The following REDIC1 variants were observed in gnomAD, a reference collection of about 807,000 sequenced individuals.
REDIC1 encodes the protein HEI10 Interacting Protein 1.
the REDIC1 span, among the ~76,000 whole-genome samples, chr12:39,872,857 C>A: frequency 2.0e-5 from 3 of 152,082 alleles, no homozygotes; most frequent in Non-Finnish European, 4.4e-5. Flanking sequence ...ATGGCTTTGC[C>A]CAGCTTTTCA....
chr12:39,906,783 T>C, the REDIC1 span, among the ~76,000 whole-genome samples: 3 of 152,248 alleles, frequency 2.0e-5, no homozygotes, highest in Non-Finnish European at 4.4e-5. Context: ...CTACGATTAT[T>C]TTAAATTGAA....
chr12:39,850,116 C>A, the REDIC1 span, among the ~76,000 whole-genome samples: 1 of 152,096 alleles, frequency 6.6e-6, no homozygotes, highest in South Asian at 2.1e-4. Flanking sequence ...TGACTCCAAC[C>A]AACTCCTTTC....
At chr12:39,878,258 A>G in the REDIC1 span, among the ~76,000 whole-genome samples, 1 of 152,230 alleles carries the variant, frequency 6.6e-6, no homozygotes, top group African/African-American at 2.4e-5. Context: ...AAAATACCTG[A>G]AAATGTGGAA....
At chr12:39,643,941 G>C in the REDIC1 span, 1 of 1,485,336 alleles carries the variant, frequency 6.7e-7, no homozygotes, top group South Asian at 1.2e-5. Context: ...ATTGCATTCT[G>C]TTTTGAACTT....
the REDIC1 span, among the ~76,000 whole-genome samples, chr12:39,712,185 T>C: frequency 7.2e-6 from 1 of 139,258 alleles, no homozygotes; most frequent in African/African-American, 2.8e-5. Context: ...TACCTGTATG[T>C]ATATGTACAT....
At chr12:39,794,123 C>CA in the REDIC1 span, among the ~76,000 whole-genome samples, 205 of 78,346 alleles carry the variant, frequency 2.6e-3, 7 homozygotes, top group African/African-American at 9.8e-3. Context: ...GGCCAAATTG[C>CA]AAAAAAAAAA....
the REDIC1 span, among the ~76,000 whole-genome samples, chr12:39,814,698 G>A: frequency 6.6e-6 from 1 of 152,110 alleles, no homozygotes; most frequent in East Asian, 1.9e-4. Context: ...TGCTATCCCT[G>A]CATATACAAA....
chr12:39,896,351 T>C, the REDIC1 span, among the ~76,000 whole-genome samples: 12 of 127,272 alleles, frequency 9.4e-5, no homozygotes, highest in Non-Finnish European at 1.3e-4. Context: ...CATATATGTA[T>C]GTATATGTGT....
the REDIC1 span, among the ~76,000 whole-genome samples, chr12:39,849,052 A>C: frequency 6.6e-6 from 1 of 152,224 alleles, no homozygotes; most frequent in Non-Finnish European, 1.5e-5. Flanking sequence ...GGAGAGGAAC[A>C]AAAAAGATAA....
the REDIC1 span, among the ~76,000 whole-genome samples, chr12:39,812,646 T>C: frequency 6.6e-6 from 1 of 151,664 alleles, no homozygotes; most frequent in Non-Finnish European, 1.5e-5. Flanking sequence ...CTGATTTGTA[T>C]ATTTTTAGTA....
chr12:39,712,349 TATACATAC>T, the REDIC1 span, among the ~76,000 whole-genome samples: 1,700 of 122,992 alleles, frequency 0.014, 69 homozygotes, highest in African/African-American at 0.049. Context: ...TGTATTTATA[TATACATAC>T]ATACATACAT....
the REDIC1 span, among the ~76,000 whole-genome samples, chr12:39,783,062 A>G: frequency 6.6e-6 from 1 of 151,792 alleles, no homozygotes; most frequent in Non-Finnish European, 1.5e-5. Flanking sequence ...GATGTTCCCC[A>G]TCCTGTGTCC....
the REDIC1 span, among the ~76,000 whole-genome samples, chr12:39,725,494 G>A: frequency 6.6e-6 from 1 of 151,966 alleles, no homozygotes; most frequent in African/African-American, 2.4e-5. Flanking sequence ...AGACTTCATA[G>A]CACTTGAAAT....
At chr12:39,798,355 T>G in the REDIC1 span, among the ~76,000 whole-genome samples, 1 of 152,200 alleles carries the variant, frequency 6.6e-6, no homozygotes, top group Non-Finnish European at 1.5e-5. Flanking sequence ...TGTTTGAAGT[T>G]GTTAAGTTTT....
chr12:39,783,727 G>T, the REDIC1 span, among the ~76,000 whole-genome samples: 1 of 152,152 alleles, frequency 6.6e-6, no homozygotes, highest in African/African-American at 2.4e-5. Context: ...TTGTTTTCTT[G>T]TAAATTTGTT....
chr12:39,900,469 T>C, the REDIC1 span, among the ~76,000 whole-genome samples: 1 of 152,024 alleles, frequency 6.6e-6, no homozygotes, highest in African/African-American at 2.4e-5. Flanking sequence ...CTCCTTAAGC[T>C]GATAAGCAAC....
At chr12:39,888,256 ACT>A in the REDIC1 span, among the ~76,000 whole-genome samples, 11 of 152,116 alleles carry the variant, frequency 7.2e-5, no homozygotes, top group Admixed American at 2.0e-4. Flanking sequence ...AAGGAGTCTC[ACT>A]CTGTCACCCA....
the REDIC1 span, among the ~76,000 whole-genome samples, chr12:39,699,433 A>C: frequency 6.6e-6 from 1 of 152,136 alleles, no homozygotes; most frequent in African/African-American, 2.4e-5. Context: ...TATCCCGCAC[A>C]TGGCTCAGAG....
At chr12:39,688,519 C>T in the REDIC1 span, among the ~76,000 whole-genome samples, 3 of 152,038 alleles carry the variant, frequency 2.0e-5, no homozygotes, top group African/African-American at 2.4e-5. Flanking sequence ...CAGGAGTGGC[C>T]TAGGTAATTC....
Sources: gnomAD v4.1 joint callset for allele counts (sites outside exome capture counted in the v4.1 genomes callset) on GRCh38, gnomAD v4.1.1 for gene constraint, MANE v1.5 for transcripts, NCBI Gene and HGNC (gene_info 2026-07-23, HGNC 2026-07-21) for gene names.